The following USP13 variants were observed in gnomAD, a reference collection of about 807,000 sequenced individuals.
USP13 encodes ubiquitin carboxyl-terminal hydrolase 13.
USP13 carries 68 observed loss-of-function variants against 107.8 expected under a neutral mutation model. That is an observed-to-expected ratio of 0.63 (90% CI 0.52 to 0.77). The LOEUF (loss-of-function observed/expected upper bound fraction) is 0.77, where lower values mean the gene tolerates loss of function less well. USP13 is among the 30% of genes least tolerant of loss of function. The pLI, the probability that USP13 is intolerant of heterozygous loss-of-function variation, is 0.00. For synonymous variants in USP13, 377 were observed against 389.5 expected (o/e 0.97, Z 0.38); for missense variants, 945 against 1,093.3 (o/e 0.86, Z 1.91).
intron 1 of USP13, among the ~76,000 whole-genome samples, chr3:179,661,701 T>C (rs1195146389): frequency 6.6e-6 from 1 of 152,164 alleles, no homozygotes; most frequent in African/African-American, 2.4e-5. Flanking sequence ...CAGCTGGATA[T>C]TGCCTGTAGG....
intron 16 of USP13, among the ~76,000 whole-genome samples, chr3:179,759,247 C>T (rs1293899224): frequency 6.6e-6 from 1 of 152,152 alleles, no homozygotes; most frequent in Non-Finnish European, 1.5e-5. Flanking sequence ...TCCCAAAGTG[C>T]TGGGATTACA....
chr3:179,712,595 T>A (rs1292149037), intron 6 of USP13, among the ~76,000 whole-genome samples: 1 of 152,180 alleles, frequency 6.6e-6, no homozygotes, highest in Non-Finnish European at 1.5e-5. Context: ...TTAAATATTC[T>A]TCAGTATTTT....
At chr3:179,657,762 CA>C (rs35377039) in intron 1 of USP13, among the ~76,000 whole-genome samples, 1,794 of 73,754 alleles carry the variant, frequency 0.024, 11 homozygotes, top group African/African-American at 0.084. Flanking sequence ...AATTCCGTCT[CA>C]AAAAAAAAAA....
intron 17 of USP13, among the ~76,000 whole-genome samples, chr3:179,763,391 G>A (rs1436322412): frequency 1.3e-5 from 2 of 152,148 alleles, no homozygotes; most frequent in African/African-American, 4.8e-5. Flanking sequence ...TTAATTTTGT[G>A]TATGATGTGA....
chr3:179,744,973 C>T, intron 12 of USP13, 70 bp from the exon 13 acceptor site: 1 of 1,584,978 alleles, frequency 6.3e-7, no homozygotes, highest in Non-Finnish European at 8.6e-7. Context: ...GAAGACTGTC[C>T]AAAGAGGGTG....
At chr3:179,711,785 G>T (rs974478351) in intron 6 of USP13, among the ~76,000 whole-genome samples, 1 of 152,086 alleles carries the variant, frequency 6.6e-6, no homozygotes, top group African/African-American at 2.4e-5. Context: ...CTGTTGTACA[G>T]TTAACTTTTT....
intron 1 of USP13, among the ~76,000 whole-genome samples, chr3:179,670,457 A>G (rs193009973): frequency 6.6e-6 from 1 of 152,084 alleles, no homozygotes; most frequent in East Asian, 1.9e-4. Flanking sequence ...TCCATTCTCC[A>G]CATTGAGCAT....
Position 179,735,275 on chromosome 3 carries a change from G to A in USP13, c.1254+4566G>A, listed in dbSNP as rs1369261645. ...TGGGTCTCTGCCTCTCATCTTGTGA[G>A]GTGTTGGGCCCATAGGGGACACTCA... On this transcript the variant is annotated intron_variant, in intron 10 of 20. Coordinates refer to ENST00000263966, the MANE Select transcript of USP13 (RefSeq NM_003940.3). Among the ~76,000 whole-genome samples the A allele has an allele frequency of 3.3e-5, 5 of 152,200 alleles. No homozygotes were observed. The South Asian group carries it at 6.2e-4, about 19-fold the overall frequency.
At chr3:179,729,418 C>A (rs371223132) in intron 8 of USP13, among the ~76,000 whole-genome samples, 42 of 152,224 alleles carry the variant, frequency 2.8e-4, no homozygotes, top group African/African-American at 9.6e-4. Context: ...TTCAGAGGAG[C>A]CTGATGATGT....
At chr3:179,753,803 C>A (rs1714690991) in intron 14 of USP13, among the ~76,000 whole-genome samples, 1 of 152,048 alleles carries the variant, frequency 6.6e-6, no homozygotes, top group Admixed American at 6.6e-5. Flanking sequence ...GTATCCTGTA[C>A]CAATATTTGA....
intron 8 of USP13, among the ~76,000 whole-genome samples, chr3:179,728,177 G>A (rs1287069220): frequency 1.4e-5 from 2 of 144,752 alleles, no homozygotes; most frequent in Non-Finnish European, 3.1e-5. Flanking sequence ...CCTCCCGGAC[G>A]GGGCGGCTGG....
In USP13 at chr3:179,673,402, C is replaced by G. The variant is rs923620877; in HGVS notation, c.169-8476C>G. On this transcript the variant is annotated intron_variant, in intron 1 of 20. Coordinates refer to ENST00000263966, the MANE Select transcript of USP13 (RefSeq NM_003940.3). Reference sequence around the variant, plus strand: ...GGTGAATATGACACAGTTTTCCTGCCCCCCCTGCCCTGTACCAGGTACTAT... The same window carrying G: ...GGTGAATATGACACAGTTTTCCTGCGCCCCCTGCCCTGTACCAGGTACTAT... Among the ~76,000 whole-genome samples the G allele has an allele frequency of 5.1e-3, 13 of 2,558 alleles. No homozygotes were observed. In the African/African-American group the frequency reaches 0.065, roughly 13 times the overall value. The allele number at this position is 2,558 out of a possible 152,430, so 1.7% of individuals were successfully genotyped here.
chr3:179,696,328 A>T (rs1231325264), intron 3 of USP13, among the ~76,000 whole-genome samples: 39 of 117,682 alleles, frequency 3.3e-4, no homozygotes, highest in East Asian at 1.2e-3. Flanking sequence ...GCCATTAGGC[A>T]TTTTTTTTTT....
At chr3:179,694,524 C>G (rs761973270) in intron 3 of USP13, among the ~76,000 whole-genome samples, 9 of 151,132 alleles carry the variant, frequency 6.0e-5, no homozygotes, top group African/African-American at 2.2e-4. Flanking sequence ...AAGGGGAGGC[C>G]GGGCGCGGTG....
chr3:179,742,257 A>T lies in USP13; in HGVS notation c.1441A>T (p.Ile481Phe). The T allele has an allele frequency of 1.2e-6, 2 of 1,614,232 alleles. No individual in the cohort carries two copies. Among genetic ancestry groups the T allele is most frequent in the Non-Finnish European group, 1.7e-6 (2 of 1,180,046 alleles). ...DVFRFLVEERIQCCQTRKVRY... is the reference protein window; with the variant it reads ...DVFRFLVEERFQCCQTRKVRY... ...TTTTCGTTTTTTGGTGGAAGAACGCATTCAGTGCTGTCAGACCCGGAAAGT... is the reference window on the plus strand; with the variant it reads ...TTTTCGTTTTTTGGTGGAAGAACGCTTTCAGTGCTGTCAGACCCGGAAAGT... The change falls in exon 12 of 21, where the codon ATT (isoleucine) becomes TTT (phenylalanine). Residue 481 changes from isoleucine (I) to phenylalanine (F), a missense_variant. Coordinates refer to ENST00000263966, the MANE Select transcript of USP13 (RefSeq NM_003940.3). This position sits in a 1 kb window ranked among gnomAD's most constrained non-coding sequence, Gnocchi z 5.0.
intron 1 of USP13, among the ~76,000 whole-genome samples, chr3:179,667,793 A>G (rs1576911072): frequency 6.6e-6 from 1 of 152,218 alleles, no homozygotes; most frequent in East Asian, 1.9e-4. Context: ...ATTAACAGGC[A>G]TGCGTCACCA....
At chr3:179,749,948 G>A (rs1372799677) in intron 13 of USP13, among the ~76,000 whole-genome samples, 1 of 152,104 alleles carries the variant, frequency 6.6e-6, no homozygotes, top group African/African-American at 2.4e-5. Flanking sequence ...GGAAGAGTAG[G>A]TAAGAAAAAG....
chr3:179,653,373 G>A lies in USP13; in HGVS notation c.148G>A (p.Ala50Thr), dbSNP rs1477228629. Reference protein sequence around the residue: ...SGDRVYKNECAFSYDSPNSEG... With the variant: ...SGDRVYKNECTFSYDSPNSEG... ...CGACAGGGTCTACAAGAACGAGTGC[G>A]CCTTCTCCTACGACTCTCCCGTAAG... The change falls in exon 1 of 21, where the codon GCC becomes ACC. Residue 50 changes from alanine (A) to threonine (T), a missense_variant. Physicochemically the swap from Ala to Thr is moderately conservative, Grantham distance 58. Transcript: ENST00000263966. The surrounding 1 kb of genome is among the most constrained non-coding windows in gnomAD (Gnocchi z 4.0). 5.7e-6 allele frequency: 9 copies of A among 1,567,436 alleles called. No individual in the cohort carries two copies. Among genetic ancestry groups the A allele is most frequent in the African/African-American group, 1.4e-5 (1 of 73,804 alleles).
intron 2 of USP13, among the ~76,000 whole-genome samples, chr3:179,689,974 C>T (rs934978778): frequency 1.3e-5 from 2 of 152,124 alleles, no homozygotes; most frequent in African/African-American, 2.4e-5. Flanking sequence ...ATTTAAGTAT[C>T]GACTTCACCT....
Sources: gnomAD v4.1 joint callset for allele counts (sites outside exome capture counted in the v4.1 genomes callset) on GRCh38, gnomAD v4.1.1 for gene constraint, Gnocchi (gnomAD v3.1) non-coding constraint, MANE v1.5 for transcripts, NCBI Gene and HGNC (gene_info 2026-07-23, HGNC 2026-07-21) for gene names.